Variants in DNAJB11 observed in about 807,000 individuals in gnomAD.
The protein encoded by DNAJB11 is DnaJ heat shock protein family (Hsp40) member B11, also known as dnaJ homolog subfamily B member 11.
In DNAJB11, 30 loss-of-function variants were observed where a neutral mutation model predicts 47.2. The ratio of observed to expected loss-of-function variants is 0.64; its 90% CI spans 0.48 to 0.86. The LOEUF (loss-of-function observed/expected upper bound fraction) is 0.86. Ranked by LOEUF, DNAJB11 falls within the 40% of genes least tolerant of loss-of-function variation. The pLI is 0.00. For synonymous variants in DNAJB11, 151 were observed against 159.9 expected (o/e 0.94, Z 0.42); for missense variants, 357 against 440.2 (o/e 0.81, Z 1.69).
chr3:186,573,622 T>C (rs1163325160), intron 2 of DNAJB11, among the ~76,000 whole-genome samples: 1 of 152,080 alleles, frequency 6.6e-6, no homozygotes, highest in Admixed American at 6.6e-5. Flanking sequence ...CCTGACCTCA[T>C]GATCCACCCG....
chr3:186,571,037 G>GGGGGGGGGGGT, intron 1 of DNAJB11, 72 bp downstream of exon 1: 1 of 940,408 alleles, frequency 1.1e-6, no homozygotes, highest in Admixed American at 2.7e-5. Context: ...GGGGGTGGGG[G>GGGGGGGGGGGT]AAGTGGCATT....
intron 6 of DNAJB11, 60 bp from the exon 7 acceptor site, chr3:186,582,654 CAA>C: frequency 1.4e-6 from 2 of 1,381,866 alleles, no homozygotes; most frequent in Non-Finnish European, 2.0e-6. Flanking sequence ...TATCAGTTGC[CAA>C]ATAGATTTGT....
intron 2 of DNAJB11, among the ~76,000 whole-genome samples, chr3:186,575,354 T>TGCGCGCGTGCGC (rs1553850115): frequency 7.7e-4 from 100 of 129,488 alleles, no homozygotes; most frequent in African/African-American, 3.0e-3. Context: ...TCCTAATACA[T>TGCGCGCGTGCGC]GCGCGCGCGC....
chr3:186,577,724 A>C lies in DNAJB11; in HGVS notation c.380A>C (p.Asn127Thr). The C allele has an allele frequency of 6.2e-7, 1 of 1,608,992 alleles. No homozygotes were observed. The highest frequency in any genetic ancestry group is 8.5e-7 in the Non-Finnish European group (1 of 1,177,782). Residue 127 changes from asparagine (N) to threonine (T), a missense_variant, in exon 4 of 10, where the codon AAT becomes ACT. Asn to Thr is a moderately conservative substitution (Grantham distance 65). Coordinates refer to ENST00000265028, the MANE Select transcript of DNAJB11 (RefSeq NM_016306.6). ...GGAACCCCTCGTCAGCAAGACAGAA[A>C]TATTCCAAGAGGAAGTGATATTATT... ...FGGTPRQQDRNIPRGSDIIVD... is the reference protein window; with the variant it reads ...FGGTPRQQDRTIPRGSDIIVD...
chr3:186,572,297 A>G (rs766155013), intron 2 of DNAJB11, 46 bp downstream of exon 2: 2 of 1,538,810 alleles, frequency 1.3e-6, no homozygotes, highest in South Asian at 2.4e-5. Flanking sequence ...CTGTAGCTCT[A>G]GAAAAAACAT....
In DNAJB11 at chr3:186,575,873, G is replaced by A. The variant is rs1281790737; in HGVS notation, c.259G>A (p.Asp87Asn). 8 of 1,613,824 alleles carry A rather than the reference G, an allele frequency of 5.0e-6. No individual in the cohort carries two copies. Among genetic ancestry groups the A allele is most frequent in the East Asian group, 2.2e-5 (1 of 44,876 alleles). The change falls in exon 3 of 10, where the codon GAT becomes AAT. Residue 87 changes from aspartate to asparagine, a missense_variant. Physicochemically the swap from Asp to Asn is conservative, Grantham distance 23. Coordinates refer to ENST00000265028, the MANE Select transcript of DNAJB11 (RefSeq NM_016306.6). ...AGATAGTGAGAAACGGAAACAGTAC[G>A]ATACTTATGGTGAAGAAGGATTAAA... is the stretch of plus-strand genomic sequence containing the variant. Reference protein sequence around the residue: ...LSDSEKRKQYDTYGEEGLKDG... With the variant: ...LSDSEKRKQYNTYGEEGLKDG...
chr3:186,572,147 A>G lies in DNAJB11; in HGVS notation c.121A>G (p.Ile41Val). 6.2e-7 allele frequency: 1 copy of G among 1,612,864 alleles called. No individual in the cohort carries two copies. ...GVPRSASIKD[I>V]KKAYRKLALQ... ...GCCTCGAAGTGCCTCTATAAAGGATATTAAAAAGGCCTATAGGAAACTAGC... is the reference window on the plus strand; with the variant it reads ...GCCTCGAAGTGCCTCTATAAAGGATGTTAAAAAGGCCTATAGGAAACTAGC... Residue 41 changes from isoleucine to valine, a missense_variant, in exon 2 of 10, where the codon ATT becomes GTT. Transcript: ENST00000265028.
chr3:186,584,175 G>A (rs919902680), intron 8 of DNAJB11, among the ~76,000 whole-genome samples, 199 bp downstream of exon 8: 1 of 152,244 alleles, frequency 6.6e-6, no homozygotes, highest in Non-Finnish European at 1.5e-5. Flanking sequence ...GGATTGCACG[G>A]CCTTTGACAA....
At position 186,585,603 on chromosome 3, in the gene DNAJB11, A is replaced by G. The variant is rs553838395; in HGVS notation, c.*195A>G. ...TTGCATTCGGAAAAGAATGACCAGCAAAAGGTTTACTAATACCTCTCCCTT... is the reference window on the plus strand; with the variant it reads ...TTGCATTCGGAAAAGAATGACCAGCGAAAGGTTTACTAATACCTCTCCCTT... On this transcript the variant is annotated 3_prime_UTR_variant, in exon 10 of 10. Coordinates refer to ENST00000265028, the MANE Select transcript of DNAJB11 (RefSeq NM_016306.6). 1.3e-4 allele frequency: 55 copies of G among 408,158 alleles called. No individual in the cohort carries two copies. In the South Asian group the frequency reaches 1.5e-3, roughly 11 times the overall value. 25.3% of individuals were successfully genotyped at this position (408,158 alleles called of 1,614,324 possible). A position where few individuals can be genotyped will look rare whatever the true frequency, so the allele number is the denominator to read the frequency against.
In DNAJB11 at chr3:186,577,659, TA is replaced by T; in HGVS notation, c.324-8del. 1 of 1,561,402 alleles carries T rather than the reference TA, an allele frequency of 6.4e-7. No homozygotes were observed. Among genetic ancestry groups the T allele is most frequent in the Non-Finnish European group, 8.6e-7 (1 of 1,159,046 alleles). The stretch of plus-strand genomic sequence containing the variant: ...TTTTTTTTCCTGATGATTTTGCACT[TA>T]TCTTTAGCTTCTTTGGGGATTTTGG... On this transcript the variant is annotated splice_polypyrimidine_tract_variant and splice_region_variant and intron_variant, in intron 3 of 9. Coordinates refer to ENST00000265028, the MANE Select transcript of DNAJB11 (RefSeq NM_016306.6).
intron 8 of DNAJB11, 137 bp downstream of exon 8, chr3:186,584,113 T>C: frequency 2.9e-6 from 2 of 692,104 alleles, no homozygotes; most frequent in Non-Finnish European, 2.5e-6. Flanking sequence ...GTACTTACTC[T>C]GCTGCTGAGC....
chr3:186,579,034 A>T (rs1202304689), intron 4 of DNAJB11: 1 of 152,212 alleles, frequency 6.6e-6, no homozygotes, highest in Non-Finnish European at 1.5e-5. Context: ...ATGTCCTGTG[A>T]TTGCATCTGT....
intron 3 of DNAJB11, among the ~76,000 whole-genome samples, chr3:186,576,279 G>C (rs772072474): frequency 6.6e-6 from 1 of 152,208 alleles, no homozygotes; most frequent in African/African-American, 2.4e-5. Context: ...TGTTAGCAGA[G>C]ATAGAAAAAT....
intron 4 of DNAJB11, chr3:186,578,499 C>G (rs181990748): frequency 3.9e-4 from 60 of 152,298 alleles, no homozygotes; most frequent in African/African-American, 1.3e-3. Context: ...CTTCTACATG[C>G]AATTTATGAG....
At chr3:186,573,575 C>T (rs1378201272) in intron 2 of DNAJB11, among the ~76,000 whole-genome samples, 1 of 151,954 alleles carries the variant, frequency 6.6e-6, no homozygotes, top group Non-Finnish European at 1.5e-5. Context: ...TTAGTAGAGA[C>T]AGGGTTTCAC....
chr3:186,582,608 A>T (rs1307800670), intron 6 of DNAJB11, 108 bp from the exon 7 acceptor site: 2 of 852,054 alleles, frequency 2.3e-6, no homozygotes, highest in Non-Finnish European at 3.8e-6. Context: ...CACAGATTTG[A>T]CAGGTCAATG....
At chr3:186,574,856 C>A (rs964047887) in intron 2 of DNAJB11, among the ~76,000 whole-genome samples, 4 of 152,182 alleles carry the variant, frequency 2.6e-5, no homozygotes, top group Non-Finnish European at 4.4e-5. Context: ...ATAACTCTCT[C>A]CTTCAGACTC....
At position 186,572,266 on chromosome 3, in the gene DNAJB11, G is replaced by C. The variant is rs1433772554; in HGVS notation, c.225+15G>C. 7 of 1,595,424 alleles carry C rather than the reference G, an allele frequency of 4.4e-6. No individual in the cohort carries two copies. Among genetic ancestry groups the C allele is most frequent in the Non-Finnish European group, 6.0e-6 (7 of 1,174,664 alleles). On this transcript the variant is annotated intron_variant, in intron 2 of 9. Coordinates refer to ENST00000265028, the MANE Select transcript of DNAJB11 (RefSeq NM_016306.6). ...CTGCTTATGAGGTGAGTTGGGAAAA[G>C]TGATAAAGTACGAATAAAATCTGTA... is the stretch of plus-strand genomic sequence containing the variant.
chr3:186,581,436 G>C lies in DNAJB11; in HGVS notation c.522G>C (p.Glu174Asp). ...AACGGAAGTGCAATTGTCGGCAAGAGATGCGGACCACCCAGCTGGGCCCTG... is the reference window on the plus strand; with the variant it reads ...AACGGAAGTGCAATTGTCGGCAAGACATGCGGACCACCCAGCTGGGCCCTG... ...PGKRKCNCRQ[E>D]MRTTQLGPGR... is the part of the protein sequence containing the mutation. The change falls in exon 5 of 10, where the codon GAG becomes GAC. Residue 174 changes from glutamate to aspartate, a missense_variant. Transcript: ENST00000265028. The C allele has an allele frequency of 3.1e-6, 5 of 1,613,940 alleles. No individual in the cohort carries two copies. The highest frequency in any genetic ancestry group is 3.4e-6 in the Non-Finnish European group (4 of 1,179,982).
Sources: allele counts gnomAD v4.1 joint callset (sites outside exome capture counted in the v4.1 genomes callset), GRCh38; gene constraint gnomAD v4.1.1; transcripts MANE v1.5; gene names NCBI Gene and HGNC (gene_info 2026-07-23, HGNC 2026-07-21).